LRRC7: variants seen among roughly 807,000 people sequenced by gnomAD.
LRRC7 encodes leucine rich repeat containing 7, also known as leucine-rich repeat-containing protein 7.
A neutral mutation model predicts 175.7 loss-of-function variants in LRRC7; 23 were observed. The ratio of observed to expected loss-of-function variants is 0.13; its 90% CI spans 0.09 to 0.19. LRRC7 has a LOEUF of 0.19. Among genes scored for constraint, LRRC7 ranks in the 10% least tolerant of loss-of-function variants. The pLI is 1.00. For missense variants in LRRC7, 1,354 were observed against 1,904.7 expected (o/e 0.71, Z 5.38); for synonymous variants, 685 against 680.9 (o/e 1.01, Z -0.09).
At chr1:69,768,359 T>C (rs569772701) in intron 3 of LRRC7, among the ~76,000 whole-genome samples, 1 of 152,272 alleles carries the variant, frequency 6.6e-6, no homozygotes, top group East Asian at 1.9e-4. Flanking sequence ...TGCCCCTGGC[T>C]TGCTCCTTTG....
chr1:69,844,360 T>G (rs1325137819), intron 7 of LRRC7, among the ~76,000 whole-genome samples: 1 of 152,038 alleles, frequency 6.6e-6, no homozygotes, highest in African/African-American at 2.4e-5. Flanking sequence ...CATTCCCTCC[T>G]CCCCTCAGCC....
At chr1:69,822,756 G>A (rs79047226) in intron 4 of LRRC7, among the ~76,000 whole-genome samples, 68 of 152,280 alleles carry the variant, frequency 4.5e-4, no homozygotes, top group Non-Finnish European at 7.6e-4. Flanking sequence ...ACTATTCTCC[G>A]TACTATCTTC....
At chr1:69,894,423 G>T (rs545894101) in intron 7 of LRRC7, among the ~76,000 whole-genome samples, 9 of 152,276 alleles carry the variant, frequency 5.9e-5, no homozygotes, top group African/African-American at 1.9e-4. Context: ...TGATGATTTT[G>T]TTGGAGGTTT....
chr1:69,872,502 GT>G (rs1252114612), intron 7 of LRRC7, among the ~76,000 whole-genome samples: 2 of 151,942 alleles, frequency 1.3e-5, no homozygotes, highest in East Asian at 3.9e-4. Context: ...TAAAAAGGTG[GT>G]TACTTAAATG....
intron 8 of LRRC7, among the ~76,000 whole-genome samples, chr1:69,952,098 G>C (rs1649999638): frequency 6.6e-6 from 1 of 151,616 alleles, no homozygotes; most frequent in Admixed American, 6.6e-5. Flanking sequence ...AAGAAAAAGG[G>C]GTTCTGGAAA....
At chr1:69,861,820 C>A (rs188064698) in intron 7 of LRRC7, among the ~76,000 whole-genome samples, 2 of 152,104 alleles carry the variant, frequency 1.3e-5, no homozygotes, top group African/African-American at 2.4e-5. Flanking sequence ...CTGTGTGTGG[C>A]GGACCTGGAA....
intron 10 of LRRC7, among the ~76,000 whole-genome samples, chr1:69,993,179 A>T (rs1255810642): frequency 6.6e-6 from 1 of 152,174 alleles, no homozygotes; most frequent in Non-Finnish European, 1.5e-5. Context: ...ACATAGATGG[A>T]TATGGCAGTG....
intron 11 of LRRC7, among the ~76,000 whole-genome samples, chr1:70,011,372 T>C (rs1341921497): frequency 6.6e-6 from 1 of 151,992 alleles, no homozygotes; most frequent in African/African-American, 2.4e-5. Context: ...CTTAGTAAAA[T>C]ACCTAACATT....
At chr1:69,608,854 CTCTCTCTCTCTCTATATATATATA>C (rs1234717330) in intron 1 of LRRC7, among the ~76,000 whole-genome samples, 1,747 of 34,520 alleles carry the variant, frequency 0.051, 9 homozygotes, top group Non-Finnish European at 0.059. Context: ...CTCTCTCTCT[CTCTCTCTCTCTCTATATATATATA>C]TATATATATA....
chr1:69,911,810 A>T (rs1646539276), intron 7 of LRRC7, among the ~76,000 whole-genome samples: 3 of 152,232 alleles, frequency 2.0e-5, no homozygotes, highest in Admixed American at 1.3e-4. Flanking sequence ...AAATTCTCTG[A>T]CAGCTTAGTC....
chr1:70,052,995 A>C (rs1660860114), intron 22 of LRRC7, 31 bp from the exon 23 acceptor site: 1 of 1,572,960 alleles, frequency 6.4e-7, no homozygotes, highest in Non-Finnish European at 8.6e-7. Flanking sequence ...CTACTACATC[A>C]CTAAAGAATG....
chr1:69,737,148 ACT>A (rs1203404674), intron 2 of LRRC7, among the ~76,000 whole-genome samples: 1 of 151,940 alleles, frequency 6.6e-6, no homozygotes, highest in African/African-American at 2.4e-5. Flanking sequence ...GATTAGACAA[ACT>A]CTGTGATATG....
chr1:70,048,338 C>G (rs1475234588), intron 22 of LRRC7, among the ~76,000 whole-genome samples: 2 of 152,040 alleles, frequency 1.3e-5, no homozygotes, highest in Non-Finnish European at 2.9e-5. Flanking sequence ...ACATATTTAT[C>G]TCCATTGTAT....
chr1:69,666,841 T>C (rs768992792), intron 1 of LRRC7, among the ~76,000 whole-genome samples: 6 of 152,114 alleles, frequency 3.9e-5, no homozygotes, highest in Non-Finnish European at 7.4e-5. Flanking sequence ...TGTCTTTTCT[T>C]CTACTAATTT....
intron 4 of LRRC7, among the ~76,000 whole-genome samples, chr1:69,799,855 T>G (rs942772267): frequency 6.6e-6 from 1 of 152,138 alleles, no homozygotes; most frequent in Non-Finnish European, 1.5e-5. Context: ...CTGGATTTTC[T>G]TCTAGTATTT....
intron 3 of LRRC7, among the ~76,000 whole-genome samples, chr1:69,774,809 G>A (rs924835442): frequency 6.6e-6 from 1 of 152,100 alleles, no homozygotes; most frequent in Admixed American, 6.6e-5. Flanking sequence ...CTTTGGTGGT[G>A]AGAGATGATA....
Position 70,136,699 on chromosome 1 carries a change from T to C in LRRC7, c.*14812T>C, listed in dbSNP as rs1666887723. Reference sequence around the variant, plus strand: ...AATAAAATGGCAAATGCTTTCTTTCTGCTTTATTGCTTTTTTAATGCCTTT... The same window carrying C: ...AATAAAATGGCAAATGCTTTCTTTCCGCTTTATTGCTTTTTTAATGCCTTT... On this transcript the variant is annotated 3_prime_UTR_variant, in exon 27 of 27. Coordinates refer to ENST00000651989, the MANE Select transcript of LRRC7 (RefSeq NM_001370785.2). 6.6e-6 allele frequency among the ~76,000 whole-genome samples: 1 copy of C among 151,422 alleles called. No homozygotes were observed. Among genetic ancestry groups the C allele is most frequent in the Non-Finnish European group, 1.5e-5 (1 of 67,888 alleles).
chr1:69,994,912 G>C (rs1355808486), intron 11 of LRRC7, among the ~76,000 whole-genome samples: 4 of 151,922 alleles, frequency 2.6e-5, no homozygotes, highest in Non-Finnish European at 5.9e-5. Context: ...TTATACTCTT[G>C]CTGATATTTT....
At chr1:70,085,697 GT>G (rs1663552694) in intron 24 of LRRC7, among the ~76,000 whole-genome samples, 1 of 152,028 alleles carries the variant, frequency 6.6e-6, no homozygotes, top group Admixed American at 6.6e-5. Context: ...TAAGCTTAAA[GT>G]AAATAAATAA....
Sources: gnomAD v4.1 joint callset for allele counts (sites outside exome capture counted in the v4.1 genomes callset) on GRCh38, gnomAD v4.1.1 for gene constraint, MANE v1.5 for transcripts, NCBI Gene and HGNC (gene_info 2026-07-23, HGNC 2026-07-21) for gene names.